Variants in FRMD4A observed in about 807,000 individuals in gnomAD.
FRMD4A encodes the protein FERM domain containing 4A.
Under a neutral mutation model 129.1 loss-of-function variants are expected in FRMD4A, and 29 were observed. The ratio of observed to expected loss-of-function variants is 0.22; its 90% CI spans 0.17 to 0.31. The LOEUF (loss-of-function observed/expected upper bound fraction) is 0.31. FRMD4A is among the 10% of genes least tolerant of loss of function. The probability of loss-of-function intolerance (pLI) is 1.00; values close to 1 mark genes in which losing one functional copy is unlikely to be tolerated. For synonymous variants in FRMD4A, 634 were observed against 571.6 expected (o/e 1.11, Z -1.56); for missense variants, 1,272 against 1,375.8 (o/e 0.92, Z 1.19).
At chr10:13,996,951 C>A (rs79608684) in intron 2 of FRMD4A, among the ~76,000 whole-genome samples, 3,347 of 151,486 alleles carry the variant, frequency 0.022, 135 homozygotes, top group African/African-American at 0.076. Context: ...GAAGCCCTGA[C>A]CCATGATTAC....
intron 2 of FRMD4A, among the ~76,000 whole-genome samples, chr10:14,142,845 T>C (rs949397787): frequency 1.3e-5 from 2 of 152,146 alleles, no homozygotes; most frequent in African/African-American, 2.4e-5. Flanking sequence ...AGGACTTGAA[T>C]AGACATTTCT....
chr10:14,131,396 G>GCA (rs764703709), intron 2 of FRMD4A, among the ~76,000 whole-genome samples: 35 of 149,050 alleles, frequency 2.3e-4, no homozygotes, highest in Admixed American at 1.3e-3. Flanking sequence ...AACTCACTGT[G>GCA]CCCCCCCCGG....
intron 2 of FRMD4A, among the ~76,000 whole-genome samples, chr10:13,955,050 A>G (rs2095400919): frequency 1.3e-5 from 2 of 150,346 alleles, no homozygotes; most frequent in Admixed American, 6.6e-5. Context: ...AGCATACCTC[A>G]TATTCAATTG....
chr10:13,932,588 A>G (rs1411628476), intron 2 of FRMD4A, among the ~76,000 whole-genome samples: 4 of 152,138 alleles, frequency 2.6e-5, no homozygotes, highest in Non-Finnish European at 5.9e-5. Context: ...CTGTTGGTTC[A>G]TTTTCAACTT....
intron 12 of FRMD4A, among the ~76,000 whole-genome samples, chr10:13,716,328 T>C (rs535482158): frequency 6.6e-6 from 1 of 152,348 alleles, no homozygotes; most frequent in African/African-American, 2.4e-5. Flanking sequence ...CATTGTAAGA[T>C]GACTCAGTCT....
chr10:13,943,834 G>C (rs1454119227), intron 2 of FRMD4A, among the ~76,000 whole-genome samples: 1 of 152,096 alleles, frequency 6.6e-6, no homozygotes, highest in Non-Finnish European at 1.5e-5. Flanking sequence ...TATGGAAATA[G>C]GTTGGTGTGG....
chr10:13,904,649 G>A (rs1193604771), intron 2 of FRMD4A, among the ~76,000 whole-genome samples: 1 of 152,148 alleles, frequency 6.6e-6, no homozygotes, highest in Non-Finnish European at 1.5e-5. Context: ...GCCAAGCATT[G>A]TGATCAGAAC....
At chr10:14,023,002 A>G (rs918885578) in intron 2 of FRMD4A, among the ~76,000 whole-genome samples, 2 of 151,892 alleles carry the variant, frequency 1.3e-5, no homozygotes, top group Admixed American at 6.6e-5. Flanking sequence ...CCCAAGAGTG[A>G]CTCCACAGCC....
chr10:14,047,110 G>A (rs1834022659), intron 2 of FRMD4A, among the ~76,000 whole-genome samples: 1 of 152,210 alleles, frequency 6.6e-6, no homozygotes, highest in Admixed American at 6.5e-5. Flanking sequence ...GATGACTCTT[G>A]TGCCACGATG....
chr10:14,030,492 A>G (rs1474247783), intron 2 of FRMD4A, among the ~76,000 whole-genome samples: 2 of 152,254 alleles, frequency 1.3e-5, no homozygotes, highest in African/African-American at 4.8e-5. Flanking sequence ...TCCTAATGAC[A>G]TACTTGTCTA....
At chr10:13,686,941 A>G (rs1377554522) in intron 15 of FRMD4A, among the ~76,000 whole-genome samples, 2 of 152,156 alleles carry the variant, frequency 1.3e-5, no homozygotes, top group Non-Finnish European at 2.9e-5. Context: ...TATTTTCCTT[A>G]AAAAGCCTGA....
At chr10:13,962,020 T>A (rs1241468926) in intron 2 of FRMD4A, among the ~76,000 whole-genome samples, 1 of 139,860 alleles carries the variant, frequency 7.2e-6, no homozygotes, top group African/African-American at 2.7e-5. Flanking sequence ...ATTTGTTAGA[T>A]AAATGAACAA....
At chr10:13,959,503 G>T (rs2095432890) in intron 2 of FRMD4A, among the ~76,000 whole-genome samples, 3 of 16,892 alleles carry the variant, frequency 1.8e-4, no homozygotes, top group South Asian at 6.4e-3. Flanking sequence ...AAAAAAAGCT[G>T]TGAGTGATTT....
At chr10:14,294,926 G>A (rs759667895) in intron 2 of FRMD4A, among the ~76,000 whole-genome samples, 2 of 152,092 alleles carry the variant, frequency 1.3e-5, no homozygotes, top group East Asian at 1.9e-4. Flanking sequence ...CACATTAATC[G>A]GCAATCTATC....
intron 2 of FRMD4A, among the ~76,000 whole-genome samples, chr10:13,982,640 G>A (rs2095566482): frequency 2.6e-5 from 4 of 152,180 alleles, no homozygotes. Context: ...AGGCCTTACT[G>A]GGTCTTCCCA....
chr10:13,905,332 G>A (rs539550458), intron 2 of FRMD4A, among the ~76,000 whole-genome samples: 135 of 152,178 alleles, frequency 8.9e-4, no homozygotes, highest in African/African-American at 3.1e-3. Flanking sequence ...TTTTCATGTT[G>A]GCTCTTAGAG....
chr10:14,166,903 A>C (rs1841210506), intron 2 of FRMD4A, among the ~76,000 whole-genome samples: 1 of 152,186 alleles, frequency 6.6e-6, no homozygotes, highest in South Asian at 2.1e-4. Flanking sequence ...TCATTTACTC[A>C]GTCAATAAAT....
At chr10:14,087,708 AG>A (rs1197541517) in intron 2 of FRMD4A, 1 of 152,198 alleles carries the variant, frequency 6.6e-6, no homozygotes, top group Non-Finnish European at 1.5e-5. Context: ...TGTGAGAAAC[AG>A]GAACGAAATG....
intron 8 of FRMD4A, among the ~76,000 whole-genome samples, chr10:13,755,800 T>C (rs963315903): frequency 1.3e-5 from 2 of 152,238 alleles, no homozygotes; most frequent in African/African-American, 4.8e-5. Flanking sequence ...ATTCTCTCAC[T>C]TGGACTGGCA....
Sources: gnomAD v4.1 joint callset for allele counts (sites outside exome capture counted in the v4.1 genomes callset) on GRCh38, gnomAD v4.1.1 for gene constraint, MANE v1.5 for transcripts, NCBI Gene and HGNC (gene_info 2026-07-23, HGNC 2026-07-21) for gene names.